SIL1: variants seen among roughly 807,000 people sequenced by gnomAD.
SIL1 encodes nucleotide exchange factor SIL1.
SIL1 carries 40 observed loss-of-function variants against 49.1 expected under a neutral mutation model. The ratio of observed to expected loss-of-function variants is 0.81; its 90% CI spans 0.63 to 1.06. The LOEUF (loss-of-function observed/expected upper bound fraction) is 1.06. Ranked by LOEUF, SIL1 falls within the 50% of genes least tolerant of loss-of-function variation. The pLI, the probability that SIL1 is intolerant of heterozygous loss-of-function variation, is 0.00. For synonymous variants in SIL1, 253 were observed against 250.8 expected (o/e 1.01, Z -0.08); for missense variants, 500 against 572.6 (o/e 0.87, Z 1.29).
intron 1 of SIL1, among the ~76,000 whole-genome samples, chr5:139,138,257 G>T (rs749987562): frequency 7.2e-5 from 11 of 152,170 alleles, no homozygotes; most frequent in Non-Finnish European, 1.2e-4. Context: ...ACACAAGACA[G>T]AAGTATTTCT....
At chr5:139,141,800 C>T (rs1056370878) in intron 1 of SIL1, among the ~76,000 whole-genome samples, 1 of 152,210 alleles carries the variant, frequency 6.6e-6, no homozygotes, top group Non-Finnish European at 1.5e-5. Flanking sequence ...GAAAACTGTG[C>T]TCAATGGAAT....
intron 3 of SIL1, among the ~76,000 whole-genome samples, chr5:139,058,970 A>ATGTGTGTGTGTGTGTGTGTGTGTG (rs61070788): frequency 1.4e-3 from 212 of 150,332 alleles, no homozygotes; most frequent in African/African-American, 4.9e-3. Context: ...AGAAATGTGT[A>ATGTGTGTGTGTGTGTGTGTGTGTG]TGTGTGTGTG....
intron 3 of SIL1, among the ~76,000 whole-genome samples, chr5:139,088,022 C>T (rs1244438780): frequency 6.6e-6 from 1 of 151,702 alleles, no homozygotes; most frequent in Admixed American, 6.5e-5. Flanking sequence ...CCCTGGCCCA[C>T]CATGGAACAC....
Position 139,154,225 on chromosome 5 carries a change from T to G in SIL1, c.-10-26372A>C, listed in dbSNP as rs569445507. Reference sequence around the variant, plus strand: ...ATGAAGAAGGGACTGAGCCAAAATATCAGGTAAAAAAAAAGGCAAAATAAA... The same window carrying G: ...ATGAAGAAGGGACTGAGCCAAAATAGCAGGTAAAAAAAAAGGCAAAATAAA... On this transcript the variant is annotated intron_variant, in intron 1 of 9. Transcript: ENST00000394817. Among the ~76,000 whole-genome samples, 3 of 128,172 alleles carry G rather than the reference T, an allele frequency of 2.3e-5. No individual in the cohort carries two copies. In the East Asian group the frequency reaches 5.9e-4, roughly 25 times the overall value. 84.1% of individuals were successfully genotyped at this position (128,172 alleles called of 152,430 possible). A position where few individuals can be genotyped will look rare whatever the true frequency, so the allele number is the denominator to read the frequency against.
At chr5:139,165,113 C>G (rs1751590198) in intron 1 of SIL1, among the ~76,000 whole-genome samples, 1 of 152,124 alleles carries the variant, frequency 6.6e-6, no homozygotes, top group Admixed American at 6.6e-5. Flanking sequence ...TCTTTTAGGT[C>G]CGATAAGAAA....
rs1356917488 is a variant in SIL1, at chr5:139,084,492, G to T, written c.245-33446C>A. On this transcript the variant is annotated intron_variant, in intron 3 of 9. Coordinates refer to ENST00000394817, the MANE Select transcript of SIL1 (RefSeq NM_022464.5). ...AGTTCATATCCTTTGTAGGGACATG[G>T]ATGAAATTGGAAACCATCATTCTCA... Among the ~76,000 whole-genome samples the T allele has an allele frequency of 3.1e-5, 3 of 95,788 alleles. No individual in the cohort carries two copies. In the East Asian group the frequency reaches 8.3e-4, roughly 27 times the overall value. 62.8% of individuals were successfully genotyped at this position (95,788 alleles called of 152,430 possible). A position where few individuals can be genotyped will look rare whatever the true frequency, so the allele number is the denominator to read the frequency against.
chr5:139,131,450 C>T (rs1750860719), intron 1 of SIL1: 1 of 152,158 alleles, frequency 6.6e-6, no homozygotes, highest in East Asian at 1.9e-4. Context: ...AGAAACTTTC[C>T]CTAAGGACAT....
intron 1 of SIL1, among the ~76,000 whole-genome samples, chr5:139,158,473 T>C (rs1395017048): frequency 6.6e-6 from 1 of 152,190 alleles, no homozygotes; most frequent in Non-Finnish European, 1.5e-5. Context: ...AATCTAGAAA[T>C]GACAGCAAGC....
chr5:139,083,524 GTTGT>G (rs555833869), intron 3 of SIL1, among the ~76,000 whole-genome samples: 4 of 108,764 alleles, frequency 3.7e-5, no homozygotes, highest in East Asian at 2.5e-4. Flanking sequence ...TTTTGATGGG[GTTGT>G]TTGTTTTTTT....
intron 1 of SIL1, among the ~76,000 whole-genome samples, chr5:139,159,630 G>A (rs1484231996): frequency 6.6e-6 from 1 of 152,156 alleles, no homozygotes; most frequent in Non-Finnish European, 1.5e-5. Context: ...GAGGGTATTT[G>A]CATGAAGCAG....
chr5:139,083,435 G>T (rs1297446393), intron 3 of SIL1, among the ~76,000 whole-genome samples: 2 of 143,066 alleles, frequency 1.4e-5, no homozygotes, highest in Non-Finnish European at 3.0e-5. Flanking sequence ...GGCCAGTGAT[G>T]ATGAGCATTT....
At chr5:138,963,439 A>G (rs554497842) in intron 7 of SIL1, among the ~76,000 whole-genome samples, 2 of 152,372 alleles carry the variant, frequency 1.3e-5, no homozygotes, top group South Asian at 4.1e-4. Context: ...CGTTTGCCAC[A>G]CAACTGTAGG....
At chr5:138,981,213 CAAAAA>C (rs35272334) in intron 7 of SIL1, among the ~76,000 whole-genome samples, 43 of 113,498 alleles carry the variant, frequency 3.8e-4, no homozygotes, top group South Asian at 2.8e-3. Context: ...ACTCTGTCTC[CAAAAA>C]AAAAAAAAAA....
intron 3 of SIL1, among the ~76,000 whole-genome samples, chr5:139,068,842 A>G (rs1581075359): frequency 6.6e-6 from 1 of 152,192 alleles, no homozygotes; most frequent in Admixed American, 6.5e-5. Context: ...TAACATCCCT[A>G]CATACAATGA....
In SIL1 at chr5:139,144,362, A is replaced by G. The variant is rs1244940536; in HGVS notation, c.-10-16509T>C. The stretch of plus-strand genomic sequence containing the variant: ...AACAAAAAACAGCAAAGTTGAGGGG[A>G]AAAAAAGAACAAAGCTGGAGAATTC... On this transcript the variant is annotated intron_variant, in intron 1 of 9. Coordinates refer to ENST00000394817, the MANE Select transcript of SIL1 (RefSeq NM_022464.5). 2.9e-4 allele frequency among the ~76,000 whole-genome samples: 44 copies of G among 152,050 alleles called. 1 individual carries two copies. Among genetic ancestry groups the G allele is most frequent in the Admixed American group, 2.8e-3 (43 of 15,256 alleles).
At chr5:139,013,578 C>G (rs1179883365) in intron 7 of SIL1, 1 of 124,648 alleles carries the variant, frequency 8.0e-6, no homozygotes, top group Admixed American at 7.5e-5. Context: ...CACTTTCTTA[C>G]AGGGCTACCA....
chr5:139,068,642 T>A (rs1769758933), intron 3 of SIL1, among the ~76,000 whole-genome samples: 1 of 118,788 alleles, frequency 8.4e-6, no homozygotes, highest in South Asian at 2.8e-4. Context: ...CAAGCTTGAC[T>A]CAGAATGAAA....
At chr5:139,030,499 G>T (rs1768762693) in intron 5 of SIL1, among the ~76,000 whole-genome samples, 1 of 150,522 alleles carries the variant, frequency 6.6e-6, no homozygotes, top group African/African-American at 2.4e-5. Context: ...GTATTTTTTG[G>T]TGTGGCATGG....
chr5:139,058,357 C>T (rs1467912158), intron 3 of SIL1, among the ~76,000 whole-genome samples: 5 of 151,808 alleles, frequency 3.3e-5, no homozygotes, highest in Admixed American at 1.3e-4. Context: ...ACCAAATTAC[C>T]AAGAAAAAAA....
Sources: gnomAD v4.1 joint callset for allele counts (sites outside exome capture counted in the v4.1 genomes callset) on GRCh38, gnomAD v4.1.1 for gene constraint, MANE v1.5 for transcripts, NCBI Gene and HGNC (gene_info 2026-07-23, HGNC 2026-07-21) for gene names.